REG4: variants seen among roughly 807,000 people sequenced by gnomAD.
REG4 encodes regenerating islet-derived protein 4.
Under a neutral mutation model 22.3 loss-of-function variants are expected in REG4, and 16 were observed. The observed-to-expected ratio is 0.72, with a 90% CI of 0.49 to 1.09. REG4 has a LOEUF of 1.09. Among genes scored for constraint, REG4 ranks in the 50% least tolerant of loss-of-function variants. The probability of loss-of-function intolerance (pLI) is 0.00; values close to 1 mark genes in which losing one functional copy is unlikely to be tolerated. For synonymous variants in REG4, 71 were observed against 69.2 expected, an observed-to-expected ratio of 1.03 and a Z score of -0.13; for missense variants, 214 against 193.9, an observed-to-expected ratio of 1.10 and a Z score of -0.61.
At position 119,794,650 on chromosome 1, in the gene REG4, G is replaced by A. The variant is rs760873586; in HGVS notation, c.445C>T (p.Arg149Cys). The A allele has an allele frequency of 1.9e-5, 31 of 1,614,026 alleles. No individual in the cohort carries two copies. Among genetic ancestry groups the A allele is most frequent in the South Asian group, 4.4e-5 (4 of 91,080 alleles). The stretch of plus-strand genomic sequence containing the variant: ...CGGTACTTGCACAGGAAGTGTTGGC[G>A]CTTGTTGCATTCGTTGCTGCTCCAA... Reference protein sequence around the residue: ...LTWSSNECNKRQHFLCKYRP With the variant: ...LTWSSNECNKCQHFLCKYRP The change falls in exon 6 of 6, where the codon CGC (arginine) becomes TGC (cysteine). Residue 149 changes from arginine to cysteine, a missense_variant. Arg to Cys is a radical substitution (Grantham distance 180). Transcript: ENST00000256585.
Position 119,798,660 on chromosome 1 carries a change from G to A in REG4, c.304-58C>T, listed in dbSNP as rs587664255. ...TCAGCAACCCACCTGCCACAGCCAAGGAAGTCCCCTCAGTCCCCTTTAAAA... is the reference window on the plus strand; with the variant it reads ...TCAGCAACCCACCTGCCACAGCCAAAGAAGTCCCCTCAGTCCCCTTTAAAA... On this transcript the variant is annotated intron_variant, in intron 4 of 5. Transcript: ENST00000256585. 3.6e-4 allele frequency: 480 copies of A among 1,330,218 alleles called. 1 individual carries two copies. Among genetic ancestry groups the A allele is most frequent in the Middle Eastern group, 7.7e-4 (4 of 5,182 alleles). The allele number at this position is 1,330,218 out of a possible 1,614,324, so 82.4% of individuals were successfully genotyped here. A position where few individuals can be genotyped will look rare whatever the true frequency, so the allele number is the denominator to read the frequency against.
At chr1:119,805,926 G>T (rs943698760) in intron 2 of REG4, among the ~76,000 whole-genome samples, 1 of 151,922 alleles carries the variant, frequency 6.6e-6, no homozygotes, top group Non-Finnish European at 1.5e-5. Flanking sequence ...ACCAACGGCC[G>T]CTCTGCTGCG....
intron 2 of REG4, among the ~76,000 whole-genome samples, chr1:119,807,002 AAC>A (rs1654340980): frequency 6.6e-6 from 1 of 152,226 alleles, no homozygotes; most frequent in Non-Finnish European, 1.5e-5. Flanking sequence ...AGCTAGTTAA[AAC>A]CTGAAGCTAT....
At position 119,794,489 on chromosome 1, in the gene REG4, G is replaced by T. The variant is rs1053277717; in HGVS notation, c.*129C>A. 9.5e-6 allele frequency: 8 copies of T among 840,122 alleles called. No homozygotes were observed. The highest frequency in any genetic ancestry group is 1.0e-5 in the Non-Finnish European group (5 of 494,600). 52.0% of individuals were successfully genotyped at this position (840,122 alleles called of 1,614,324 possible). A position where few individuals can be genotyped will look rare whatever the true frequency, so the allele number is the denominator to read the frequency against. On this transcript the variant is annotated 3_prime_UTR_variant, in exon 6 of 6. Coordinates refer to ENST00000256585, the MANE Select transcript of REG4 (RefSeq NM_032044.4). ...TCTGTCTCTAAGCCTAAAAAAGCCA[G>T]TGTAGTAGGGCCCTTATCACTCTTA...
At chr1:119,796,211 G>A (rs982466759) in intron 5 of REG4, among the ~76,000 whole-genome samples, 1 of 152,192 alleles carries the variant, frequency 6.6e-6, no homozygotes, top group African/African-American at 2.4e-5. Context: ...AGCTCAGCTA[G>A]GAGGAGCTGG....
chr1:119,810,975 A>G (rs1477946257), intron 1 of REG4, among the ~76,000 whole-genome samples: 1 of 152,200 alleles, frequency 6.6e-6, no homozygotes, highest in East Asian at 1.9e-4. Flanking sequence ...AATCACTTGA[A>G]CCTGGGAGGC....
chr1:119,802,897 A>T, intron 3 of REG4, 171 bp downstream of exon 3: 1 of 1,555,566 alleles, frequency 6.4e-7, no homozygotes, highest in Non-Finnish European at 8.7e-7. Flanking sequence ...CAATGCTTAC[A>T]GAATTGAATG....
chr1:119,794,915 C>T (rs1202249227), intron 5 of REG4, among the ~76,000 whole-genome samples: 2 of 152,200 alleles, frequency 1.3e-5, no homozygotes, highest in South Asian at 2.1e-4. Flanking sequence ...GGCCCTCCAT[C>T]ATGTGTGTGG....
intron 1 of REG4, among the ~76,000 whole-genome samples, chr1:119,810,497 C>A (rs757964959): frequency 1.3e-5 from 2 of 152,290 alleles, no homozygotes; most frequent in East Asian, 1.9e-4. Flanking sequence ...GAGAATGAGA[C>A]AAAGCTTGGA....
chr1:119,794,272 G>C lies in REG4; in HGVS notation c.*346C>G, dbSNP rs984327828. 1.4e-5 allele frequency: 8 copies of C among 556,692 alleles called. No homozygotes were observed. The highest frequency in any genetic ancestry group is 3.9e-5 in the Admixed American group (2 of 51,826). The allele number at this position is 556,692 out of a possible 1,614,324, so 34.5% of individuals were successfully genotyped here. A position where few individuals can be genotyped will look rare whatever the true frequency, so the allele number is the denominator to read the frequency against. On this transcript the variant is annotated 3_prime_UTR_variant, in exon 6 of 6. Coordinates refer to ENST00000256585, the MANE Select transcript of REG4 (RefSeq NM_032044.4). The stretch of plus-strand genomic sequence containing the variant: ...AAGGGGTCTAGAAGCTTACTCCTGA[G>C]TTTCTTCCTTCTGTCTTCAAATCTT...
Position 119,794,461 on chromosome 1 carries a change from G to C in REG4, c.*157C>G. 1.4e-6 allele frequency: 1 copy of C among 715,568 alleles called. No homozygotes were observed. The highest frequency in any genetic ancestry group is 1.7e-5 in the South Asian group (1 of 59,996). 44.3% of individuals were successfully genotyped at this position (715,568 alleles called of 1,614,324 possible). A position where few individuals can be genotyped will look rare whatever the true frequency, so the allele number is the denominator to read the frequency against. On this transcript the variant is annotated 3_prime_UTR_variant, in exon 6 of 6. Coordinates refer to ENST00000256585, the MANE Select transcript of REG4 (RefSeq NM_032044.4). ...AAGCCACTACTGGGCCAATGCTAAA[G>C]TTTCTGTCTCTAAGCCTAAAAAAGC...
At chr1:119,799,603 G>C in intron 4 of REG4, 122 bp downstream of exon 4, 1 of 1,289,020 alleles carries the variant, frequency 7.8e-7, no homozygotes, top group Non-Finnish European at 1.1e-6. Flanking sequence ...CCGTCAGCTG[G>C]AGGCACATCT....
rs1381390569 is a variant in REG4, at chr1:119,794,377, G to C, written c.*241C>G. On this transcript the variant is annotated 3_prime_UTR_variant, in exon 6 of 6. Transcript: ENST00000256585. ...AGACTGCTCGAGACAGCCAGAGACA[G>C]GGGAGGAGGGAAGAAGGATACTGTG... 1.6e-6 allele frequency: 1 copy of C among 610,452 alleles called. No homozygotes were observed. The highest frequency in any genetic ancestry group is 3.0e-6 in the Non-Finnish European group (1 of 332,246). The allele number at this position is 610,452 out of a possible 1,614,324, so 37.8% of individuals were successfully genotyped here.
At chr1:119,799,500 CTTAA>C (rs1404706926) in intron 4 of REG4, among the ~76,000 whole-genome samples, 4 of 151,966 alleles carry the variant, frequency 2.6e-5, no homozygotes, top group Admixed American at 6.6e-5. Flanking sequence ...TCAGGAGGGC[CTTAA>C]TTAGACAAAG....
rs150488227 is a variant in REG4 at position 119,803,116 on chromosome 1, G to A, written c.117C>T (p.Ser39=). ...GCTTCCTGAAGTAACCATAGCAATTGGACTTGTGGTAAAACCATCCAGGAG... is the reference window on the plus strand; with the variant it reads ...GCTTCCTGAAGTAACCATAGCAATTAGACTTGTGGTAAAACCATCCAGGAG... ...SCAPGWFYHK[S]NCYGYFRKLR... The change falls in exon 3 of 6, where the codon TCC becomes TCT. Residue 39 remains serine, a synonymous_variant. Transcript: ENST00000256585. 3.2e-6 allele frequency: 5 copies of A among 1,546,446 alleles called. No homozygotes were observed. In the African/African-American group the frequency reaches 4.1e-5, roughly 13 times the overall value.
At position 119,798,451 on chromosome 1, in the gene REG4, A is replaced by G. The variant is rs772100445; in HGVS notation, c.409+46T>C. 2.7e-6 allele frequency: 4 copies of G among 1,455,214 alleles called. No homozygotes were observed. In the South Asian group the frequency reaches 4.6e-5, roughly 17 times the overall value. The allele number at this position is 1,455,214 out of a possible 1,614,324, so 90.1% of individuals were successfully genotyped here. A position where few individuals can be genotyped will look rare whatever the true frequency, so the allele number is the denominator to read the frequency against. On this transcript the variant is annotated intron_variant, in intron 5 of 5. Transcript: ENST00000256585. ...TTTGTGCTTACTAGGTAAAGGGAAG[A>G]GTCTGCGCATTGGGAAGTGGTGAGG...
At chr1:119,796,555 AT>A (rs1169839118) in intron 5 of REG4, among the ~76,000 whole-genome samples, 3 of 151,734 alleles carry the variant, frequency 2.0e-5, no homozygotes, top group African/African-American at 7.3e-5. Flanking sequence ...ATTAATATAC[AT>A]TTTGAATTAA....
At chr1:119,807,073 T>C (rs1227496639) in intron 2 of REG4, among the ~76,000 whole-genome samples, 1 of 152,238 alleles carries the variant, frequency 6.6e-6, no homozygotes, top group African/African-American at 2.4e-5. Flanking sequence ...ATGAAGTTTT[T>C]TAGTGTCCAT....
chr1:119,798,183 T>C (rs1042846833), intron 5 of REG4, among the ~76,000 whole-genome samples: 2 of 152,214 alleles, frequency 1.3e-5, no homozygotes, highest in African/African-American at 4.8e-5. Context: ...AAATGGGATA[T>C]ATATCCCTCT....
Sources: gnomAD v4.1 joint callset for allele counts (sites outside exome capture counted in the v4.1 genomes callset) on GRCh38, gnomAD v4.1.1 for gene constraint, MANE v1.5 for transcripts, NCBI Gene and HGNC (gene_info 2026-07-23, HGNC 2026-07-21) for gene names.